PTPRD: variants seen among roughly 807,000 people sequenced by gnomAD.
The protein encoded by PTPRD is protein tyrosine phosphatase receptor type D.
A neutral mutation model predicts 214.5 loss-of-function variants in PTPRD; 34 were observed. The ratio of observed to expected loss-of-function variants is 0.16; its 90% CI spans 0.12 to 0.21. PTPRD has a LOEUF of 0.21. Among genes scored for constraint, PTPRD ranks in the 10% least tolerant of loss-of-function variants. The probability of loss-of-function intolerance (pLI) is 1.00; values close to 1 mark genes in which losing one functional copy is unlikely to be tolerated. For missense variants in PTPRD, 2,545 were observed against 2,398.7 expected (o/e 1.06, Z -1.27); for synonymous variants, 1,128 against 845.7 (o/e 1.33, Z -5.79).
At chr9:9,926,814 T>C (rs1263795629) in intron 5 of PTPRD, among the ~76,000 whole-genome samples, 1 of 152,138 alleles carries the variant, frequency 6.6e-6, no homozygotes, top group Non-Finnish European at 1.5e-5. Context: ...GAGATAAAAG[T>C]CACTGAAATA....
At chr9:10,145,041 T>A (rs1463178965) in intron 3 of PTPRD, among the ~76,000 whole-genome samples, 1 of 151,998 alleles carries the variant, frequency 6.6e-6, no homozygotes, top group East Asian at 1.9e-4. Context: ...ACACACCGAT[T>A]TTTCAAAAAA....
intron 6 of PTPRD, among the ~76,000 whole-genome samples, chr9:9,739,474 A>T (rs1057101452): frequency 6.6e-6 from 1 of 152,180 alleles, no homozygotes; most frequent in South Asian, 2.1e-4. Flanking sequence ...TTTATTCAAA[A>T]TTCTATGTTT....
intron 2 of PTPRD, among the ~76,000 whole-genome samples, chr9:10,401,536 T>A (rs1378617681): frequency 6.6e-6 from 1 of 150,716 alleles, no homozygotes; most frequent in African/African-American, 2.4e-5. Flanking sequence ...ATATATAGTA[T>A]ATCTGTGGTG....
At chr9:9,660,862 G>C (rs2096609366) in intron 7 of PTPRD, among the ~76,000 whole-genome samples, 1 of 151,930 alleles carries the variant, frequency 6.6e-6, no homozygotes, top group African/African-American at 2.4e-5. Flanking sequence ...CTCAGAGCCT[G>C]AATCACTGGA....
intron 11 of PTPRD, among the ~76,000 whole-genome samples, chr9:8,828,726 A>G (rs1164719181): frequency 1.3e-5 from 2 of 152,222 alleles, no homozygotes; most frequent in African/African-American, 4.8e-5. Context: ...TCTAAAAAAC[A>G]TATATAATAA....
At chr9:9,565,707 A>C (rs1472909559) in intron 8 of PTPRD, among the ~76,000 whole-genome samples, 1 of 151,970 alleles carries the variant, frequency 6.6e-6, no homozygotes, top group African/African-American at 2.4e-5. Flanking sequence ...TATTCCCAGA[A>C]ACTGTTACAT....
intron 10 of PTPRD, among the ~76,000 whole-genome samples, chr9:9,118,598 C>A (rs564934398): frequency 6.6e-6 from 1 of 152,236 alleles, no homozygotes; most frequent in South Asian, 2.1e-4. Context: ...CATCTCCTCC[C>A]TTAAAAAATG....
intron 32 of PTPRD, 117 bp downstream of exon 32, chr9:8,465,346 TTAA>T (rs1355398233): frequency 2.3e-6 from 2 of 873,394 alleles, no homozygotes; most frequent in South Asian, 1.6e-5. Context: ...GTTATTACAC[TTAA>T]TAACAGTTCA....
At chr9:10,251,087 C>G (rs1011487367) in intron 3 of PTPRD, among the ~76,000 whole-genome samples, 2 of 151,906 alleles carry the variant, frequency 1.3e-5, no homozygotes, top group African/African-American at 4.8e-5. Flanking sequence ...TTAGTATTGT[C>G]CATATAGCAA....
In PTPRD at chr9:10,454,184, T is replaced by C. The variant is rs1048234005; in HGVS notation, c.-599-113167A>G. Among the ~76,000 whole-genome samples the C allele has an allele frequency of 1.3e-5, 2 of 151,680 alleles. 1 individual carries two copies. The highest frequency in any genetic ancestry group is 3.9e-4 in the East Asian group (2 of 5,172). ...GATAAACAGAATCTGGATACCCAGA[T>C]TTCCATTTTATCATTTCAGCTAGTT... On this transcript the variant is annotated intron_variant, in intron 2 of 45. Coordinates refer to ENST00000381196, the MANE Select transcript of PTPRD (RefSeq NM_002839.4).
intron 4 of PTPRD, among the ~76,000 whole-genome samples, chr9:10,010,898 A>G (rs778502381): frequency 7.2e-5 from 11 of 151,968 alleles, no homozygotes; most frequent in Non-Finnish European, 1.6e-4. Context: ...AAAAGAAAAA[A>G]AAATCTAGGT....
chr9:9,717,449 C>A (rs996911780), intron 7 of PTPRD, among the ~76,000 whole-genome samples: 12 of 152,078 alleles, frequency 7.9e-5, no homozygotes, highest in Non-Finnish European at 1.6e-4. Flanking sequence ...GGCAGTATGG[C>A]CATTTTCATG....
intron 5 of PTPRD, among the ~76,000 whole-genome samples, chr9:9,854,331 G>C (rs1015376045): frequency 6.6e-6 from 1 of 152,002 alleles, no homozygotes; most frequent in Non-Finnish European, 1.5e-5. Flanking sequence ...ACTTGTATTT[G>C]CCATAATTAG....
intron 5 of PTPRD, among the ~76,000 whole-genome samples, chr9:9,935,743 A>T (rs2089054201): frequency 7.1e-6 from 1 of 139,932 alleles, no homozygotes; most frequent in Admixed American, 6.7e-5. Context: ...GTTCATATGG[A>T]ACCAAAAAAA....
chr9:9,680,139 C>T (rs181153167), intron 7 of PTPRD, among the ~76,000 whole-genome samples: 1 of 151,914 alleles, frequency 6.6e-6, no homozygotes, highest in East Asian at 1.9e-4. Flanking sequence ...GCTTCTCAAC[C>T]TTACAGAGAT....
chr9:10,274,766 T>C (rs950443093), intron 3 of PTPRD, among the ~76,000 whole-genome samples: 2 of 152,170 alleles, frequency 1.3e-5, no homozygotes, highest in Non-Finnish European at 2.9e-5. Context: ...ACTTAGAAGC[T>C]ACATTTACAT....
intron 39 of PTPRD, among the ~76,000 whole-genome samples, chr9:8,343,227 C>G (rs1177163425): frequency 1.3e-5 from 2 of 152,030 alleles, no homozygotes; most frequent in African/African-American, 2.4e-5. Context: ...TACAGGAGCT[C>G]TGTGGTTTAC....
At chr9:9,436,707 G>T (rs957986123) in intron 8 of PTPRD, among the ~76,000 whole-genome samples, 1 of 151,892 alleles carries the variant, frequency 6.6e-6, no homozygotes, top group African/African-American at 2.4e-5. Flanking sequence ...GAAGGAAGTA[G>T]AAGTTGGAAT....
chr9:8,750,039 T>A lies in PTPRD; in HGVS notation c.-103-16093A>T, dbSNP rs577883098. ...AATCGCTTGAACCCAGAGGCGGAGG[T>A]TGCAGTGAGCCAAGCTCGCGCCACT... On this transcript the variant is annotated intron_variant, in intron 11 of 45. Coordinates refer to ENST00000381196, the MANE Select transcript of PTPRD (RefSeq NM_002839.4). Among the ~76,000 whole-genome samples the A allele has an allele frequency of 4.1e-5, 6 of 146,100 alleles. No homozygotes were observed. The East Asian group carries it at 8.4e-4, about 20-fold the overall frequency.
Sources: gnomAD v4.1 joint callset for allele counts (sites outside exome capture counted in the v4.1 genomes callset) on GRCh38, gnomAD v4.1.1 for gene constraint, MANE v1.5 for transcripts, NCBI Gene and HGNC (gene_info 2026-07-23, HGNC 2026-07-21) for gene names.